The following WDR70 variants were observed in gnomAD, a reference collection of about 807,000 sequenced individuals.
WDR70 encodes WD repeat-containing protein 70.
In WDR70, 53 loss-of-function variants were observed where a neutral mutation model predicts 88.6. The ratio of observed to expected loss-of-function variants is 0.60; its 90% CI spans 0.48 to 0.75. The LOEUF is 0.75. WDR70 is among the 30% of genes least tolerant of loss of function. The probability of loss-of-function intolerance (pLI) is 0.00; values close to 1 mark genes in which losing one functional copy is unlikely to be tolerated. For missense variants in WDR70, 610 were observed against 823.2 expected, an observed-to-expected ratio of 0.74 and a Z score of 3.17; for synonymous variants, 280 against 270.0, an observed-to-expected ratio of 1.04 and a Z score of -0.36.
intron 8 of WDR70, among the ~76,000 whole-genome samples, chr5:37,496,568 T>G (rs907633371): frequency 3.3e-5 from 5 of 152,224 alleles, no homozygotes; most frequent in Non-Finnish European, 7.3e-5. Context: ...AATTCCGGAC[T>G]CACTAATGTC....
At chr5:37,610,281 A>G (rs1744153669) in intron 10 of WDR70, among the ~76,000 whole-genome samples, 2 of 152,016 alleles carry the variant, frequency 1.3e-5, no homozygotes, top group African/African-American at 2.4e-5. Flanking sequence ...AAAAAAAAAA[A>G]AAAATTTGTT....
intron 8 of WDR70, among the ~76,000 whole-genome samples, chr5:37,509,357 G>A (rs185251533): frequency 8.6e-5 from 13 of 151,842 alleles, no homozygotes; most frequent in Non-Finnish European, 1.0e-4. Flanking sequence ...TATTAGTGTG[G>A]TGTTTAAATA....
chr5:37,625,652 G>A (rs1222860248), intron 10 of WDR70, among the ~76,000 whole-genome samples: 1 of 151,972 alleles, frequency 6.6e-6, no homozygotes, highest in Non-Finnish European at 1.5e-5. Context: ...AGCCTCCTGA[G>A]TAGTTGGGAT....
chr5:37,451,648 A>ATTTGGT (rs1738678278), intron 7 of WDR70, among the ~76,000 whole-genome samples: 1 of 152,178 alleles, frequency 6.6e-6, no homozygotes, highest in Non-Finnish European at 1.5e-5. Flanking sequence ...TAAGTTCAAA[A>ATTTGGT]ACAGGAATGC....
intron 9 of WDR70, among the ~76,000 whole-genome samples, chr5:37,580,341 A>T (rs1481579547): frequency 2.0e-5 from 3 of 152,192 alleles, no homozygotes; most frequent in African/African-American, 7.2e-5. Flanking sequence ...AACACACGAC[A>T]GCTATGGCAT....
intron 3 of WDR70, among the ~76,000 whole-genome samples, chr5:37,387,930 A>T (rs1421202107): frequency 6.6e-6 from 1 of 152,080 alleles, no homozygotes. Flanking sequence ...TTTTAATAGC[A>T]AGTTTGTCTG....
At chr5:37,553,292 T>A (rs1742200093) in intron 9 of WDR70, among the ~76,000 whole-genome samples, 1 of 152,118 alleles carries the variant, frequency 6.6e-6, no homozygotes, top group East Asian at 1.9e-4. Flanking sequence ...GGGGTGGAGT[T>A]AGGGATTGGA....
chr5:37,564,917 T>C (rs1259549063), intron 9 of WDR70, among the ~76,000 whole-genome samples: 1 of 152,192 alleles, frequency 6.6e-6, no homozygotes, highest in Non-Finnish European at 1.5e-5. Context: ...ATTGATACTT[T>C]TCTAGTTATT....
intron 9 of WDR70, among the ~76,000 whole-genome samples, chr5:37,558,142 G>C (rs1293002507): frequency 2.0e-5 from 3 of 151,814 alleles, no homozygotes; most frequent in Admixed American, 2.0e-4. Context: ...TTTGTTTTTA[G>C]ATGCAAGGAA....
chr5:37,473,234 CTT>C (rs11331914), intron 7 of WDR70, among the ~76,000 whole-genome samples: 27 of 148,024 alleles, frequency 1.8e-4, no homozygotes, highest in Admixed American at 2.0e-4. Context: ...TCTTTTTATT[CTT>C]TTTTTTTTTA....
At chr5:37,485,414 A>G (rs1561870906) in intron 8 of WDR70, among the ~76,000 whole-genome samples, 1 of 152,160 alleles carries the variant, frequency 6.6e-6, no homozygotes. Flanking sequence ...CAGCTCTCAT[A>G]CAATAGTCAG....
At chr5:37,682,995 A>G (rs1014964151) in intron 10 of WDR70, among the ~76,000 whole-genome samples, 1 of 152,198 alleles carries the variant, frequency 6.6e-6, no homozygotes, top group Non-Finnish European at 1.5e-5. Flanking sequence ...GTCTCTAAGA[A>G]CTTGCTTTGT....
intron 9 of WDR70, among the ~76,000 whole-genome samples, chr5:37,521,398 G>A (rs138297465): frequency 6.6e-6 from 1 of 152,246 alleles, no homozygotes; most frequent in East Asian, 1.9e-4. Flanking sequence ...ACATGAATAA[G>A]TTCTGCAGTG....
chr5:37,447,836 A>T (rs1350651965), intron 7 of WDR70, among the ~76,000 whole-genome samples: 2 of 152,226 alleles, frequency 1.3e-5, no homozygotes, highest in Non-Finnish European at 2.9e-5. Flanking sequence ...TACCTAGTGT[A>T]AATGACGAGT....
Position 37,381,978 on chromosome 5 carries a change from G to A in WDR70, c.175+293G>A, listed in dbSNP as rs1457075477. ...TGAGGCAGTGGCTTCAGTTGAAGTC[G>A]GGAGGCAGAGGTTGCAGTGAGCTGA... is the stretch of plus-strand genomic sequence containing the variant. On this transcript the variant is annotated intron_variant, in intron 3 of 17. Transcript: ENST00000265107. Among the ~76,000 whole-genome samples, 1 of 146,792 alleles carries A rather than the reference G, an allele frequency of 6.8e-6. No individual in the cohort carries two copies. The highest frequency in any genetic ancestry group is 2.1e-4 in the East Asian group (1 of 4,688).
intron 9 of WDR70, among the ~76,000 whole-genome samples, chr5:37,558,349 G>A (rs1742375814): frequency 6.6e-6 from 1 of 151,376 alleles, no homozygotes; most frequent in Non-Finnish European, 1.5e-5. Flanking sequence ...ACAGAATTTT[G>A]CTCTGGTTGC....
intron 5 of WDR70, among the ~76,000 whole-genome samples, chr5:37,427,194 C>G (rs1479413117): frequency 6.6e-6 from 1 of 151,996 alleles, no homozygotes; most frequent in East Asian, 1.9e-4. Context: ...TCGAGACCAT[C>G]TTGGCTAACA....
chr5:37,684,412 T>C (rs1052998783), intron 10 of WDR70, among the ~76,000 whole-genome samples: 1 of 152,256 alleles, frequency 6.6e-6, no homozygotes. Context: ...TGGATCTTTC[T>C]CATTTTTGTG....
At chr5:37,597,129 C>A (rs1743726774) in intron 9 of WDR70, among the ~76,000 whole-genome samples, 1 of 152,066 alleles carries the variant, frequency 6.6e-6, no homozygotes, top group African/African-American at 2.4e-5. Flanking sequence ...CAGTTTGGGG[C>A]AATTGTGAAC....
Sources: gnomAD v4.1 joint callset for allele counts (sites outside exome capture counted in the v4.1 genomes callset) on GRCh38, gnomAD v4.1.1 for gene constraint, MANE v1.5 for transcripts, NCBI Gene and HGNC (gene_info 2026-07-23, HGNC 2026-07-21) for gene names.